FMNL2: variants seen among roughly 807,000 people sequenced by gnomAD.
FMNL2 encodes the protein formin like 2, also known as formin-like protein 2.
In FMNL2, 51 loss-of-function variants were observed where a neutral mutation model predicts 130.2. The ratio of observed to expected loss-of-function variants is 0.39; its 90% confidence interval spans 0.31 to 0.49. The LOEUF is 0.49. Ranked by LOEUF, FMNL2 falls within the 20% of genes least tolerant of loss-of-function variation. The pLI is 0.85. For synonymous variants in FMNL2, 465 were observed against 467.1 expected, an observed-to-expected ratio of 1.00 and a Z score of 0.06; for missense variants, 977 against 1,316.2, an observed-to-expected ratio of 0.74 and a Z score of 3.99.
At chr2:152,469,553 C>G (rs538032248) in intron 1 of FMNL2, among the ~76,000 whole-genome samples, 1 of 152,342 alleles carries the variant, frequency 6.6e-6, no homozygotes, top group African/African-American at 2.4e-5. Flanking sequence ...TTCCTATTCA[C>G]TCTCAGGACT....
chr2:152,464,063 G>T (rs1041464525), intron 1 of FMNL2, among the ~76,000 whole-genome samples: 2 of 152,188 alleles, frequency 1.3e-5, no homozygotes, highest in Non-Finnish European at 1.5e-5. Context: ...CTCCTGAGTA[G>T]CTGGGTTTAC....
At chr2:152,494,579 A>G (rs1411264582) in intron 1 of FMNL2, among the ~76,000 whole-genome samples, 2 of 152,234 alleles carry the variant, frequency 1.3e-5, no homozygotes, top group Non-Finnish European at 2.9e-5. Flanking sequence ...CTCTCCTTCC[A>G]GAGAGAAAGG....
intron 4 of FMNL2, among the ~76,000 whole-genome samples, chr2:152,555,333 C>G (rs566274771): frequency 2.0e-5 from 3 of 152,150 alleles, no homozygotes; most frequent in Non-Finnish European, 4.4e-5. Context: ...GCTTCTTTCT[C>G]TTGCTTTTCA....
At chr2:152,525,275 T>C (rs1693324869) in intron 2 of FMNL2, among the ~76,000 whole-genome samples, 1 of 152,200 alleles carries the variant, frequency 6.6e-6, no homozygotes, top group African/African-American at 2.4e-5. Context: ...CTACAGAACT[T>C]ACAGGTTGTG....
At chr2:152,387,820 ATT>A (rs10538950) in intron 1 of FMNL2, among the ~76,000 whole-genome samples, 30,695 of 146,240 alleles carry the variant, frequency 0.21, 3,400 homozygotes, top group African/African-American at 0.28. Flanking sequence ...TAAAAAAAAA[ATT>A]TTTTTTTTTT....
intron 9 of FMNL2, among the ~76,000 whole-genome samples, chr2:152,590,614 TA>T (rs760230881): frequency 7.5e-4 from 109 of 144,756 alleles, no homozygotes; most frequent in Admixed American, 1.2e-3. Context: ...ACTCTGTCTT[TA>T]AAAAAAAAAA....
chr2:152,646,631 G>A (rs1029428328), intron 25 of FMNL2, among the ~76,000 whole-genome samples: 3 of 151,900 alleles, frequency 2.0e-5, no homozygotes, highest in African/African-American at 4.8e-5. Context: ...GTCAAATGTG[G>A]TCCATCAGCT....
At chr2:152,462,264 C>G (rs568914155) in intron 1 of FMNL2, among the ~76,000 whole-genome samples, 9 of 152,256 alleles carry the variant, frequency 5.9e-5, no homozygotes, top group Admixed American at 3.9e-4. Context: ...GGGCTAGTGG[C>G]TGTCGTACTC....
intron 1 of FMNL2, among the ~76,000 whole-genome samples, chr2:152,426,386 G>T (rs1687203943): frequency 6.6e-6 from 1 of 152,210 alleles, no homozygotes; most frequent in African/African-American, 2.4e-5. Context: ...CTCGGTTGTG[G>T]TTGCCATAGC....
At chr2:152,338,820 TACACACACACACAC>T (rs58367779) in intron 1 of FMNL2, among the ~76,000 whole-genome samples, 2 of 148,968 alleles carry the variant, frequency 1.3e-5, no homozygotes, top group South Asian at 2.2e-4. Context: ...GAAGGTGAGA[TACACACACACACAC>T]ACACACACAC....
At chr2:152,341,701 A>G (rs1262385094) in intron 1 of FMNL2, among the ~76,000 whole-genome samples, 2 of 152,212 alleles carry the variant, frequency 1.3e-5, no homozygotes, top group Admixed American at 6.5e-5. Context: ...AACATAATAC[A>G]TTGTGATTCA....
chr2:152,600,985 T>G (rs1039987915), intron 9 of FMNL2, among the ~76,000 whole-genome samples: 2 of 152,192 alleles, frequency 1.3e-5, no homozygotes, highest in African/African-American at 4.8e-5. Flanking sequence ...GGCCATATCA[T>G]GTTCTATTGC....
intron 1 of FMNL2, among the ~76,000 whole-genome samples, chr2:152,382,671 G>C (rs973713022): frequency 7.9e-5 from 12 of 152,036 alleles, no homozygotes; most frequent in Admixed American, 7.2e-4. Flanking sequence ...GAAAGGAAAC[G>C]ATGTGAGGTG....
intron 1 of FMNL2, among the ~76,000 whole-genome samples, chr2:152,406,304 A>G (rs560618476): frequency 6.6e-6 from 1 of 152,288 alleles, no homozygotes; most frequent in South Asian, 2.1e-4. Flanking sequence ...GTTCAGTAGC[A>G]TTTTGAGTGG....
chr2:152,520,564 C>G (rs1018725107), intron 1 of FMNL2, among the ~76,000 whole-genome samples: 1 of 147,576 alleles, frequency 6.8e-6, no homozygotes, highest in Non-Finnish European at 1.5e-5. Flanking sequence ...TATTGTACTA[C>G]AGCCTGGGCA....
chr2:152,535,168 C>T (rs1163634530), intron 2 of FMNL2, among the ~76,000 whole-genome samples: 1 of 152,164 alleles, frequency 6.6e-6, no homozygotes, highest in African/African-American at 2.4e-5. Flanking sequence ...TCTGACTTAC[C>T]ATTTAGATCC....
At chr2:152,548,828 A>C (rs1694788436) in intron 3 of FMNL2, among the ~76,000 whole-genome samples, 193 bp from the exon 4 acceptor site, 1 of 152,118 alleles carries the variant, frequency 6.6e-6, no homozygotes, top group South Asian at 2.1e-4. Context: ...TAAAACAAGG[A>C]CTTTTTGTAG....
chr2:152,451,853 A>G (rs985709939), intron 1 of FMNL2, among the ~76,000 whole-genome samples: 1 of 152,168 alleles, frequency 6.6e-6, no homozygotes, highest in African/African-American at 2.4e-5. Context: ...TCACATTTTG[A>G]TAAGCCTAGG....
At chr2:152,430,039 C>T (rs555367382) in intron 1 of FMNL2, among the ~76,000 whole-genome samples, 5 of 152,196 alleles carry the variant, frequency 3.3e-5, no homozygotes, top group African/African-American at 4.8e-5. Context: ...GCACATGTAC[C>T]CCTGAACTTA....
Sources: allele counts gnomAD v4.1 joint callset (sites outside exome capture counted in the v4.1 genomes callset), GRCh38; gene constraint gnomAD v4.1.1; transcripts MANE v1.5; gene names NCBI Gene and HGNC (gene_info 2026-07-23, HGNC 2026-07-21).